Variants in RAP1A observed in about 807,000 individuals in gnomAD.
RAP1A encodes the protein ras-related protein Rap-1A.
RAP1A carries 6 observed loss-of-function variants against 26.4 expected under a neutral mutation model. The ratio of observed to expected loss-of-function variants is 0.23; its 90% confidence interval spans 0.12 to 0.45. RAP1A has a LOEUF of 0.45. Among genes scored for constraint, RAP1A ranks in the 20% least tolerant of loss-of-function variants. The pLI, the probability that RAP1A is intolerant of heterozygous loss-of-function variation, is 0.99. For missense variants in RAP1A, 121 were observed against 217.2 expected, an observed-to-expected ratio of 0.56 and a Z score of 2.78; for synonymous variants, 73 against 79.4, an observed-to-expected ratio of 0.92 and a Z score of 0.43.
chr1:111,593,264 G>T (rs1658502249), intron 1 of RAP1A, among the ~76,000 whole-genome samples: 1 of 152,188 alleles, frequency 6.6e-6, no homozygotes, highest in South Asian at 2.1e-4. Context: ...CAAGTTCTGA[G>T]TTGTAGGGCT....
intron 6 of RAP1A, among the ~76,000 whole-genome samples, chr1:111,708,641 A>G (rs1392257835): frequency 1.3e-5 from 2 of 152,258 alleles, no homozygotes; most frequent in Non-Finnish European, 2.9e-5. Flanking sequence ...CAATCCTTAA[A>G]TGTCTCAAGT....
intron 1 of RAP1A, among the ~76,000 whole-genome samples, chr1:111,613,702 G>A (rs1053931853): frequency 5.9e-5 from 9 of 152,096 alleles, no homozygotes; most frequent in African/African-American, 9.7e-5. Context: ...TCACCTAGAC[G>A]AGGCCACTAA....
In RAP1A at chr1:111,588,618, C is replaced by A. The variant is rs145692985; in HGVS notation, c.-28+46109C>A. Among the ~76,000 whole-genome samples the A allele has an allele frequency of 6.9e-4, 105 of 152,252 alleles. 1 individual carries two copies. The East Asian group carries it at 0.019, about 28-fold the overall frequency. ...CATGATGTTTCATGCCCCTGAGACT[C>A]CTCTGGGGATACTCTCTACCTTCTT... On this transcript the variant is annotated intron_variant, in intron 1 of 7. Coordinates refer to the RAP1A transcript ENST00000356415.
chr1:111,645,743 TAA>T (rs1446219020), intron 1 of RAP1A, among the ~76,000 whole-genome samples: 1 of 152,202 alleles, frequency 6.6e-6, no homozygotes, highest in East Asian at 1.9e-4. Flanking sequence ...TCAGAGAGGT[TAA>T]GACACTTGCC....
intron 1 of RAP1A, among the ~76,000 whole-genome samples, chr1:111,586,962 T>C (rs1658376726): frequency 6.6e-6 from 1 of 152,152 alleles, no homozygotes; most frequent in Non-Finnish European, 1.5e-5. Context: ...TCTATCAGAC[T>C]GCGAAACTGA....
intron 1 of RAP1A, among the ~76,000 whole-genome samples, chr1:111,622,519 C>T (rs1194998666): frequency 6.6e-6 from 1 of 152,190 alleles, no homozygotes; most frequent in Non-Finnish European, 1.5e-5. Flanking sequence ...TCAGGTCTTC[C>T]CTTACTACCC....
chr1:111,653,008 A>T (rs1660323120), intron 1 of RAP1A, among the ~76,000 whole-genome samples: 1 of 152,192 alleles, frequency 6.6e-6, no homozygotes, highest in African/African-American at 2.4e-5. Context: ...AGTGGAAAGA[A>T]CCCAAATGTC....
At chr1:111,655,275 A>C (rs1376830966) in intron 1 of RAP1A, among the ~76,000 whole-genome samples, 6 of 152,010 alleles carry the variant, frequency 3.9e-5, no homozygotes, top group South Asian at 4.1e-4. Context: ...ACAAAAAAAA[A>C]AACAACAGAA....
At chr1:111,644,650 C>T (rs1416640904) in intron 1 of RAP1A, among the ~76,000 whole-genome samples, 4 of 152,204 alleles carry the variant, frequency 2.6e-5, no homozygotes, top group African/African-American at 9.7e-5. Flanking sequence ...ATATCCACTT[C>T]GCCAACTCTT....
At chr1:111,677,463 A>T (rs574431531) in intron 1 of RAP1A, among the ~76,000 whole-genome samples, 9 of 152,206 alleles carry the variant, frequency 5.9e-5, no homozygotes, top group Admixed American at 1.3e-4. Flanking sequence ...TTTTCTGTCA[A>T]CAGTTTCTGT....
intron 1 of RAP1A, among the ~76,000 whole-genome samples, chr1:111,654,537 T>C (rs185120189): frequency 2.6e-5 from 4 of 152,328 alleles, no homozygotes; most frequent in African/African-American, 9.6e-5. Context: ...ATTGAACTTC[T>C]GTAGGTCGTA....
chr1:111,656,314 G>A (rs539093377), intron 1 of RAP1A, among the ~76,000 whole-genome samples: 2 of 152,218 alleles, frequency 1.3e-5, no homozygotes, highest in African/African-American at 4.8e-5. Flanking sequence ...CTAGTCTTGA[G>A]AACAGTTCAT....
chr1:111,637,249 T>C (rs1461358798), intron 1 of RAP1A, among the ~76,000 whole-genome samples: 2 of 152,240 alleles, frequency 1.3e-5, no homozygotes, highest in Admixed American at 6.5e-5. Flanking sequence ...TGTTTTGTTT[T>C]ACTTTTTCAA....
intron 1 of RAP1A, among the ~76,000 whole-genome samples, chr1:111,643,124 A>G (rs1005921067): frequency 6.6e-6 from 1 of 152,168 alleles, no homozygotes; most frequent in Non-Finnish European, 1.5e-5. Context: ...TTTTGGGGCC[A>G]TATGGTCCCT....
intron 1 of RAP1A, among the ~76,000 whole-genome samples, chr1:111,598,070 T>C (rs1658593116): frequency 6.6e-6 from 1 of 152,244 alleles, no homozygotes; most frequent in African/African-American, 2.4e-5. Context: ...GTAATCATCC[T>C]CCTTTTTCAG....
chr1:111,642,786 C>CTT lies in RAP1A; in HGVS notation c.-28+22868_-28+22869dup, dbSNP rs11414021. The stretch of plus-strand genomic sequence containing the variant: ...ACAGGCGTGAGCCGCCGTGCCCAGC[C>CTT]TTTTTTTTTTTTTTTTTGAGGCAAA... On this transcript the variant is annotated intron_variant, in intron 1 of 7. Coordinates refer to ENST00000369709, the MANE Select transcript of RAP1A (RefSeq NM_002884.4). 2.5e-3 allele frequency among the ~76,000 whole-genome samples: 298 copies of CTT among 119,338 alleles called. 3 individuals carry two copies. The highest frequency in any genetic ancestry group is 8.9e-3 in the South Asian group (31 of 3,464). 78.3% of individuals were successfully genotyped at this position (119,338 alleles called of 152,430 possible).
At position 111,582,535 on chromosome 1, in the gene RAP1A, A is replaced by G. The variant is rs564311231; in HGVS notation, c.-28+40026A>G. Among the ~76,000 whole-genome samples the G allele has an allele frequency of 1.6e-3, 248 of 152,148 alleles. 1 individual carries two copies. Among genetic ancestry groups the G allele is most frequent in the Non-Finnish European group, 2.7e-3 (186 of 68,008 alleles). On this transcript the variant is annotated intron_variant, in intron 1 of 7. Coordinates refer to the RAP1A transcript ENST00000356415. ...GCAAAAACGAGCTATGTAACTTACA[A>G]CTCCCTTGACTGAGACATTCATTTT...
intron 1 of RAP1A, among the ~76,000 whole-genome samples, chr1:111,689,354 CT>C (rs1033551455): frequency 6.6e-6 from 1 of 151,506 alleles, no homozygotes; most frequent in African/African-American, 2.4e-5. Context: ...CCCTTCTCTT[CT>C]TTCCTCTTAT....
At chr1:111,546,719 C>T (rs944766314) in intron 1 of RAP1A, among the ~76,000 whole-genome samples, 10 of 152,132 alleles carry the variant, frequency 6.6e-5, no homozygotes, top group Non-Finnish European at 1.3e-4. Context: ...GTGAATAAGG[C>T]TGGTATGAAC....
Sources: gnomAD v4.1 joint callset for allele counts (sites outside exome capture counted in the v4.1 genomes callset) on GRCh38, gnomAD v4.1.1 for gene constraint, MANE v1.5 for transcripts, NCBI Gene and HGNC (gene_info 2026-07-23, HGNC 2026-07-21) for gene names.